Variants in ANK1 observed in about 807,000 individuals in gnomAD.
ANK1 encodes ankyrin 1, also known as ankyrin-1.
In ANK1, 51 loss-of-function variants were observed where a neutral mutation model predicts 210.4. That is an observed-to-expected ratio of 0.24 (90% CI 0.19 to 0.31). ANK1 has a LOEUF of 0.31. Among genes scored for constraint, ANK1 ranks in the 10% least tolerant of loss-of-function variants. The pLI, the probability that ANK1 is intolerant of heterozygous loss-of-function variation, is 1.00. For missense variants in ANK1, 2,051 were observed against 2,504.4 expected, an observed-to-expected ratio of 0.82 and a Z score of 3.86; for synonymous variants, 967 against 1,025.9, an observed-to-expected ratio of 0.94 and a Z score of 1.10.
At chr8:41,670,635 C>T (rs1226004876) in intron 38 of ANK1, among the ~76,000 whole-genome samples, 1 of 152,190 alleles carries the variant, frequency 6.6e-6, no homozygotes, top group Non-Finnish European at 1.5e-5. Flanking sequence ...ACTTCCTTTC[C>T]CTTCCTGTTA....
rs1478581881 is a variant in ANK1 at position 41,696,559 on chromosome 8, G to A, written c.2764C>T (p.Arg922Trp). Reference sequence around the variant, plus strand: ...CGACTTCCTCTCATGGAACCACCCCGGGCGTCAACCATGAAGCTCACCAGA... The same window carrying A: ...CGACTTCCTCTCATGGAACCACCCCAGGCGTCAACCATGAAGCTCACCAGA... ...GFLVSFMVDA[R>W]GGSMRGSRHN... The change falls in exon 26 of 43, where the codon CGG (arginine) becomes TGG (tryptophan). Residue 922 changes from arginine (R) to tryptophan (W), a missense_variant. By Grantham distance (101) the Arg-to-Trp change is moderately radical. Coordinates refer to ENST00000289734, the MANE Select transcript of ANK1 (RefSeq NM_000037.4). The A allele has an allele frequency of 2.5e-6, 4 of 1,613,844 alleles. No homozygotes were observed. The highest frequency in any genetic ancestry group is 2.7e-5 in the African/African-American group (2 of 74,934).
At chr8:41,664,609 G>A (rs868255069) in intron 39 of ANK1, among the ~76,000 whole-genome samples, 6 of 152,208 alleles carry the variant, frequency 3.9e-5, no homozygotes, top group Admixed American at 2.6e-4. Context: ...AATGCACTGG[G>A]CACCAGAGGG....
chr8:41,679,656 G>A lies in ANK1; in HGVS notation c.4537+4888C>T, dbSNP rs180770329. ...CGGCTCACTGCAAGCTCCGCCTCCCGGGTTCACGCCATTCTCCTGCCTCAG... is the reference window on the plus strand; with the variant it reads ...CGGCTCACTGCAAGCTCCGCCTCCCAGGTTCACGCCATTCTCCTGCCTCAG... On this transcript the variant is annotated intron_variant, in intron 37 of 42. Coordinates refer to ENST00000289734, the MANE Select transcript of ANK1 (RefSeq NM_000037.4). Among the ~76,000 whole-genome samples, 652 of 137,226 alleles carry A rather than the reference G, an allele frequency of 4.8e-3. 6 individuals are homozygous for A. Among genetic ancestry groups the A allele is most frequent in the African/African-American group, 0.017 (622 of 37,228 alleles). The allele number at this position is 137,226 out of a possible 152,430, so 90.0% of individuals were successfully genotyped here. A position where few individuals can be genotyped will look rare whatever the true frequency, so the allele number is the denominator to read the frequency against.
chr8:41,853,864 G>A (rs188852324), intron 1 of ANK1, among the ~76,000 whole-genome samples: 4 of 152,170 alleles, frequency 2.6e-5, no homozygotes, highest in Admixed American at 6.5e-5. Context: ...GGGCACCAGC[G>A]ATCCTCCCAC....
At chr8:41,825,779 T>C (rs1449445705) in intron 1 of ANK1, among the ~76,000 whole-genome samples, 1 of 152,152 alleles carries the variant, frequency 6.6e-6, no homozygotes, top group Non-Finnish European at 1.5e-5. Flanking sequence ...CATGCTGTTC[T>C]TGTGATAGTA....
At chr8:41,781,307 A>G (rs1179579964) in intron 1 of ANK1, among the ~76,000 whole-genome samples, 2 of 152,184 alleles carry the variant, frequency 1.3e-5, no homozygotes, top group East Asian at 3.9e-4. Context: ...TCTGGACCAC[A>G]CACAAGCCCA....
intron 1 of ANK1, among the ~76,000 whole-genome samples, chr8:41,822,060 AAGAAAG>A (rs1804361232): frequency 3.9e-5 from 5 of 129,102 alleles, no homozygotes; most frequent in Non-Finnish European, 8.0e-5. Context: ...AAAAGAAAGA[AAGAAAG>A]AGAGAGAGAG....
At chr8:41,716,883 G>C (rs1827823055) in intron 13 of ANK1, 70 bp downstream of exon 13, 1 of 1,487,668 alleles carries the variant, frequency 6.7e-7, no homozygotes, top group African/African-American at 1.4e-5. Context: ...CTGGAATGAG[G>C]ATGGGTTCTC....
At chr8:41,779,778 G>T (rs1402001503) in intron 1 of ANK1, among the ~76,000 whole-genome samples, 1 of 152,190 alleles carries the variant, frequency 6.6e-6, no homozygotes, top group Non-Finnish European at 1.5e-5. Flanking sequence ...TAAAAAACTT[G>T]CCCAAGGTCA....
chr8:41,666,273 G>A (rs891411425), intron 39 of ANK1, among the ~76,000 whole-genome samples: 1 of 152,184 alleles, frequency 6.6e-6, no homozygotes, highest in African/African-American at 2.4e-5. Context: ...TGTGGATTTC[G>A]CATTAATTCA....
chr8:41,780,549 A>T (rs1466263814), intron 1 of ANK1, among the ~76,000 whole-genome samples: 1 of 152,142 alleles, frequency 6.6e-6, no homozygotes, highest in Non-Finnish European at 1.5e-5. Context: ...CCCTCAGTAG[A>T]TTCTTCCTTC....
chr8:41,868,974 AAAGGG>A (rs1166368241), intron 1 of ANK1, among the ~76,000 whole-genome samples: 1 of 152,206 alleles, frequency 6.6e-6, no homozygotes, highest in Non-Finnish European at 1.5e-5. Context: ...TCCTGATCAT[AAAGGG>A]GAATATTTAC....
Position 41,686,170 on chromosome 8 carries a change from C to T in ANK1, c.4372G>A (p.Glu1458Lys). 1 of 1,614,216 alleles carries T rather than the reference C, an allele frequency of 6.2e-7. No individual in the cohort carries two copies. The highest frequency in any genetic ancestry group is 1.3e-5 in the African/African-American group (1 of 75,040). ...VALLNLWVIR[E>K]GQNANMENLY... ...TACTGACTGTTTGCGTTTTGGCCTT[C>T]ACGGATGACCCAGAGGTTCAGCAAG... is the stretch of plus-strand genomic sequence containing the variant. The change falls in exon 36 of 43, where the codon GAA (glutamate) becomes AAA (lysine). Residue 1458 changes from glutamate (E) to lysine (K), a missense_variant. Physicochemically the swap from Glu to Lys is moderately conservative, Grantham distance 56. Coordinates refer to ENST00000289734, the MANE Select transcript of ANK1 (RefSeq NM_000037.4).
intron 2 of ANK1, among the ~76,000 whole-genome samples, chr8:41,739,524 T>TTTTTTTTCTTTC (rs1834211247): frequency 7.0e-6 from 1 of 141,938 alleles, no homozygotes; most frequent in Non-Finnish European, 1.5e-5. Flanking sequence ...TTTCTTTCTT[T>TTTTTTTTCTTTC]TTTTTTTTTT....
rs150284251 is a variant in ANK1 at position 41,723,630 on chromosome 8, C to T, written c.715G>A (p.Gly239Ser). 12 of 1,612,726 alleles carry T rather than the reference C, an allele frequency of 7.4e-6. No homozygotes were observed. Among genetic ancestry groups the T allele is most frequent in the East Asian group, 4.5e-5 (2 of 44,880 alleles). ...GASVNFTPQN[G>S]ITPLHIASRR... is the part of the protein sequence containing the mutation. ...GAGGCGATGTGCAGTGGCGTGATGC[C>T]GTTCTGAAGGGAGGAAGCAGGACGG... The change falls in exon 8 of 43, where the codon GGC (glycine) becomes AGC (serine). Residue 239 changes from glycine to serine, a missense_variant. Coordinates refer to ENST00000289734, the MANE Select transcript of ANK1 (RefSeq NM_000037.4).
intron 14 of ANK1, 95 bp from the exon 15 acceptor site, chr8:41,715,169 T>C (rs1827283693): frequency 2.6e-6 from 3 of 1,175,678 alleles, no homozygotes; most frequent in Admixed American, 3.7e-5. Flanking sequence ...TCCGCTGGCA[T>C]GGAGAGGCCA....
At chr8:41,713,329 G>A (rs546869516) in intron 16 of ANK1, among the ~76,000 whole-genome samples, 18 of 152,132 alleles carry the variant, frequency 1.2e-4, no homozygotes, top group Non-Finnish European at 2.1e-4. Flanking sequence ...CCAGTCCCGC[G>A]GTGCCTATCC....
At chr8:41,677,589 T>C (rs768611909) in intron 37 of ANK1, among the ~76,000 whole-genome samples, 9 of 137,464 alleles carry the variant, frequency 6.5e-5, no homozygotes, top group Non-Finnish European at 1.3e-4. Context: ...TTTCCCTTTT[T>C]CTTTGTTTTT....
At chr8:41,723,443 A>C in intron 8 of ANK1, 92 bp downstream of exon 8, 8 of 1,454,514 alleles carry the variant, frequency 5.5e-6, no homozygotes, top group Non-Finnish European at 7.7e-6. Context: ...GTGCATCCCT[A>C]ACTAGGTCAC....
Sources: allele counts gnomAD v4.1 joint callset (sites outside exome capture counted in the v4.1 genomes callset), GRCh38; gene constraint gnomAD v4.1.1; transcripts MANE v1.5; gene names NCBI Gene and HGNC (gene_info 2026-07-23, HGNC 2026-07-21).